Variants in REEP1 observed in about 807,000 individuals in gnomAD.
The protein encoded by REEP1 is receptor expression-enhancing protein 1.
In REEP1, 22 loss-of-function variants were observed where a neutral mutation model predicts 40.3. The observed-to-expected ratio is 0.55, with a 90% CI of 0.39 to 0.78. The LOEUF (loss-of-function observed/expected upper bound fraction) is 0.78, where lower values mean the gene tolerates loss of function less well. Among genes scored for constraint, REEP1 ranks in the 30% least tolerant of loss-of-function variants. The pLI is 0.00. For missense variants in REEP1, 280 were observed against 361.1 expected (o/e 0.78, Z 1.82); for synonymous variants, 116 against 139.2 (o/e 0.83, Z 1.17).
chr2:86,219,319 C>A (rs1674289169), intron 8 of REEP1, among the ~76,000 whole-genome samples: 1 of 152,104 alleles, frequency 6.6e-6, no homozygotes, highest in South Asian at 2.1e-4. Context: ...GTTTTCTTCC[C>A]CCAAAACAGT....
At chr2:86,307,492 G>A (rs1679550149) in intron 1 of REEP1, among the ~76,000 whole-genome samples, 1 of 152,234 alleles carries the variant, frequency 6.6e-6, no homozygotes, top group Non-Finnish European at 1.5e-5. Context: ...GCTGGGTGCA[G>A]TGGCTCATGC....
chr2:86,245,535 C>T (rs922035972), intron 5 of REEP1, among the ~76,000 whole-genome samples: 1 of 152,160 alleles, frequency 6.6e-6, no homozygotes, highest in African/African-American at 2.4e-5. Context: ...GACGCACTGC[C>T]TCCTTTTCAC....
chr2:86,292,513 G>A (rs972668634), intron 1 of REEP1, among the ~76,000 whole-genome samples: 2 of 152,252 alleles, frequency 1.3e-5, no homozygotes, highest in South Asian at 4.1e-4. Context: ...GAAGAAGAGA[G>A]AAGATTCACT....
At chr2:86,260,701 T>C in intron 3 of REEP1, among the ~76,000 whole-genome samples, 1 of 152,172 alleles carries the variant, frequency 6.6e-6, no homozygotes, top group East Asian at 1.9e-4. Context: ...ACCTCAGTCC[T>C]ACAATCATAA....
At chr2:86,256,134 G>A (rs183081523) in intron 3 of REEP1, among the ~76,000 whole-genome samples, 2 of 152,026 alleles carry the variant, frequency 1.3e-5, no homozygotes, top group Admixed American at 6.5e-5. Flanking sequence ...GGATCACAAG[G>A]TCAGGGGTTC....
chr2:86,236,956 G>C (rs374311323), intron 5 of REEP1, among the ~76,000 whole-genome samples: 9 of 152,244 alleles, frequency 5.9e-5, no homozygotes, highest in South Asian at 4.1e-4. Context: ...GGATGGTCTC[G>C]ATCTCCTGAC....
At chr2:86,313,816 A>G (rs974014771) in intron 1 of REEP1, among the ~76,000 whole-genome samples, 5 of 152,176 alleles carry the variant, frequency 3.3e-5, no homozygotes, top group Non-Finnish European at 7.3e-5. Context: ...AGGCCCTGGG[A>G]GCAGCCACCC....
chr2:86,289,567 C>T (rs1287435376), intron 1 of REEP1, among the ~76,000 whole-genome samples: 1 of 152,008 alleles, frequency 6.6e-6, no homozygotes, highest in Non-Finnish European at 1.5e-5. Context: ...TTGTCAAGTC[C>T]CACATAAAAC....
intron 1 of REEP1, among the ~76,000 whole-genome samples, chr2:86,334,436 T>C (rs1680915705): frequency 6.6e-6 from 1 of 152,088 alleles, no homozygotes; most frequent in Admixed American, 6.5e-5. Context: ...ACCAGAGGTC[T>C]AGGGAGCTTG....
At position 86,258,451 on chromosome 2, in the gene REEP1, A is replaced by G. The variant is rs192860016; in HGVS notation, c.183-3637T>C. Among the ~76,000 whole-genome samples the G allele has an allele frequency of 1.5e-4, 23 of 152,348 alleles. No individual in the cohort carries two copies. In the East Asian group the frequency reaches 4.4e-3, roughly 29 times the overall value. ...TTACTATCTGGCCCTTTACAAAAAA[A>G]AGTATGCTGACTCCGGATTTAAAGC... On this transcript the variant is annotated intron_variant, in intron 3 of 8. Transcript: ENST00000538924.
chr2:86,293,095 TTC>T (rs1678810026), intron 1 of REEP1, among the ~76,000 whole-genome samples: 1 of 148,738 alleles, frequency 6.7e-6, no homozygotes, highest in Admixed American at 6.6e-5. Flanking sequence ...CATTCATTCA[TTC>T]ATTTGTTTGT....
chr2:86,284,531 G>T (rs77394569), intron 1 of REEP1, among the ~76,000 whole-genome samples: 5,930 of 152,290 alleles, frequency 0.039, 357 homozygotes, highest in African/African-American at 0.13. Flanking sequence ...CGAGGTGGAC[G>T]CCAGACAGCA....
At chr2:86,286,269 G>A (rs1011678297) in intron 1 of REEP1, among the ~76,000 whole-genome samples, 7 of 152,152 alleles carry the variant, frequency 4.6e-5, no homozygotes, top group African/African-American at 1.2e-4. Context: ...GGGTGATCTC[G>A]TTTCCCAGGG....
At chr2:86,337,723 G>T (rs907385307), upstream of REEP1, 8 of 932,088 alleles carry the variant, frequency 8.6e-6, no homozygotes, top group African/African-American at 1.3e-4. This position sits in a 1 kb window ranked among gnomAD's most constrained non-coding sequence, Gnocchi z 5.8. Flanking sequence ...GGGGCTCGGC[G>T]GGCCCGCAGC....
At chr2:86,242,326 T>C (rs1675709908) in intron 5 of REEP1, among the ~76,000 whole-genome samples, 1 of 152,202 alleles carries the variant, frequency 6.6e-6, no homozygotes, top group South Asian at 2.1e-4. Context: ...TAAGTATTGC[T>C]CTGTTGGTCA....
intron 2 of REEP1, among the ~76,000 whole-genome samples, chr2:86,277,550 T>A (rs541932710): frequency 7.3e-6 from 1 of 137,136 alleles, no homozygotes; most frequent in African/African-American, 2.6e-5. Context: ...AGCGAGACTC[T>A]GTATCAAAAA....
At position 86,337,336 on chromosome 2, in the gene REEP1, C is replaced by T. The variant is rs1340193235; in HGVS notation, c.32+143G>A. ...CCCGTCCGCCCGCAGGCGTCCTCGG[C>T]GGCTACTGTACCTGCTAAATTTAGC... On this transcript the variant is annotated intron_variant, in intron 1 of 8. Transcript: ENST00000538924. This position sits in a 1 kb window ranked among gnomAD's most constrained non-coding sequence, Gnocchi z 5.8. The T allele has an allele frequency of 4.4e-6, 2 of 457,932 alleles. No homozygotes were observed. Among genetic ancestry groups the T allele is most frequent in the Non-Finnish European group, 6.6e-6 (2 of 301,444 alleles). 28.4% of individuals were successfully genotyped at this position (457,932 alleles called of 1,614,324 possible). A position where few individuals can be genotyped will look rare whatever the true frequency, so the allele number is the denominator to read the frequency against.
chr2:86,245,687 T>C (rs1351062918), intron 5 of REEP1, among the ~76,000 whole-genome samples: 1 of 152,004 alleles, frequency 6.6e-6, no homozygotes, highest in Non-Finnish European at 1.5e-5. Context: ...TTAACCTGTC[T>C]CTTCTCATTC....
chr2:86,303,854 G>A (rs538948368), intron 1 of REEP1, among the ~76,000 whole-genome samples: 1 of 152,262 alleles, frequency 6.6e-6, no homozygotes, highest in South Asian at 2.1e-4. Context: ...AAATGGCTCA[G>A]TGCAGCTGGG....
Sources: allele counts gnomAD v4.1 joint callset (sites outside exome capture counted in the v4.1 genomes callset), GRCh38; gene constraint gnomAD v4.1.1; non-coding constraint Gnocchi (gnomAD v3.1); transcripts MANE v1.5; gene names NCBI Gene and HGNC (gene_info 2026-07-23, HGNC 2026-07-21).